The following NPY2R variants were observed in gnomAD, a reference collection of about 807,000 sequenced individuals.
The protein encoded by NPY2R is neuropeptide Y receptor Y2.
A neutral mutation model predicts 22.3 loss-of-function variants in NPY2R; 17 were observed. The observed-to-expected ratio is 0.76, with a 90% CI of 0.52 to 1.14. The LOEUF (loss-of-function observed/expected upper bound fraction) is 1.14. Ranked by LOEUF, NPY2R falls within the 50% of genes most tolerant of loss-of-function variation. NPY2R has a pLI of 0.00. For synonymous variants in NPY2R, 209 were observed against 183.4 expected (o/e 1.14, Z -1.13); for missense variants, 424 against 467.9 (o/e 0.91, Z 0.87).
At chr4:155,209,701 A>T (rs1213929656) in intron 1 of NPY2R, among the ~76,000 whole-genome samples, 1 of 150,590 alleles carries the variant, frequency 6.6e-6, no homozygotes, top group African/African-American at 2.4e-5. Flanking sequence ...CCCTGCCCCC[A>T]TTCCTAGAAC....
chr4:155,200,426 A>T, the NPY2R span, among the ~76,000 whole-genome samples: 1 of 152,308 alleles, frequency 6.6e-6, no homozygotes, highest in Admixed American at 6.5e-5. Flanking sequence ...TAGTTCAAAC[A>T]TTGTGGAAGA....
the NPY2R span, among the ~76,000 whole-genome samples, chr4:155,203,155 TCAAAA>T: frequency 7.2e-5 from 11 of 152,208 alleles, no homozygotes; most frequent in African/African-American, 1.9e-4. Flanking sequence ...AATTAAAAAC[TCAAAA>T]CAAAAATAAA....
the NPY2R span, among the ~76,000 whole-genome samples, chr4:155,190,448 A>T: frequency 6.6e-6 from 1 of 152,088 alleles, no homozygotes; most frequent in East Asian, 1.9e-4. Flanking sequence ...ACAGTTTCAA[A>T]ACCACCTTTC....
rs1729479446 is a variant in NPY2R, at chr4:155,214,765, G to T, written c.826G>T (p.Val276Leu). Reference protein sequence around the residue: ...TTKMLVCVVVVFAVSWLPLHA... With the variant: ...TTKMLVCVVVLFAVSWLPLHA... ...CAAAATGCTGGTGTGTGTGGTGGTG[G>T]TGTTTGCGGTCAGCTGGCTGCCTCT... The change falls in exon 2 of 2, where the codon GTG (valine) becomes TTG (leucine). Residue 276 changes from valine (V) to leucine (L), a missense_variant. Val to Leu is a conservative substitution (Grantham distance 32, BLOSUM62 1). Coordinates refer to ENST00000329476, the MANE Select transcript of NPY2R (RefSeq NM_000910.4). 3 of 1,613,988 alleles carry T rather than the reference G, an allele frequency of 1.9e-6. No homozygotes were observed. The highest frequency in any genetic ancestry group is 2.5e-6 in the Non-Finnish European group (3 of 1,179,932).
the NPY2R span, among the ~76,000 whole-genome samples, chr4:155,177,446 T>C: frequency 6.6e-6 from 1 of 152,146 alleles, no homozygotes; most frequent in African/African-American, 2.4e-5. Context: ...TTGACAATAA[T>C]CTTTGACTCC....
At chr4:155,199,324 C>T in the NPY2R span, among the ~76,000 whole-genome samples, 127 of 151,978 alleles carry the variant, frequency 8.4e-4, no homozygotes, top group African/African-American at 3.0e-3. Context: ...CATGAAAGAC[C>T]TCTGCAAGGA....
chr4:155,213,838 G>C, intron 1 of NPY2R, 54 bp from the exon 2 acceptor site: 1 of 985,490 alleles, frequency 1.0e-6, no homozygotes, highest in Non-Finnish European at 1.6e-6. Context: ...TGTTTTCCTC[G>C]TTCCATTGGT....
At chr4:155,179,313 C>T in the NPY2R span, among the ~76,000 whole-genome samples, 1 of 151,986 alleles carries the variant, frequency 6.6e-6, no homozygotes, top group Non-Finnish European at 1.5e-5. Context: ...TATTTTTGAC[C>T]GGATGCCAGA....
upstream of NPY2R, among the ~76,000 whole-genome samples, chr4:155,204,257 T>A (rs578118454): frequency 1.3e-5 from 2 of 152,154 alleles, no homozygotes; most frequent in African/African-American, 4.8e-5. Context: ...CAGGAAACCC[T>A]GGAATCCAAA....
chr4:155,181,744 G>C, the NPY2R span, among the ~76,000 whole-genome samples: 5 of 152,112 alleles, frequency 3.3e-5, no homozygotes, highest in African/African-American at 4.8e-5. Flanking sequence ...CCCTAGAATG[G>C]TGAGAAAGTT....
the NPY2R span, among the ~76,000 whole-genome samples, chr4:155,180,321 G>A: frequency 4.6e-5 from 7 of 152,218 alleles, no homozygotes; most frequent in African/African-American, 1.7e-4. Context: ...CTTTAGATGT[G>A]CAATTAGGAA....
the NPY2R span, among the ~76,000 whole-genome samples, chr4:155,200,420 T>A: frequency 2.0e-5 from 3 of 152,148 alleles, no homozygotes; most frequent in African/African-American, 7.2e-5. Context: ...GTAAATTAGT[T>A]CAAACATTGT....
intron 1 of NPY2R, among the ~76,000 whole-genome samples, chr4:155,212,561 G>T (rs201373149): frequency 6.6e-6 from 1 of 152,110 alleles, no homozygotes; most frequent in Non-Finnish European, 1.5e-5. Flanking sequence ...AAGTAAAGGC[G>T]CCAGGATGGT....
the NPY2R span, among the ~76,000 whole-genome samples, chr4:155,177,639 G>T: frequency 6.6e-6 from 1 of 152,056 alleles, no homozygotes; most frequent in Non-Finnish European, 1.5e-5. Flanking sequence ...CCCCAGTGGG[G>T]TGTCTTTGTG....
the NPY2R span, among the ~76,000 whole-genome samples, chr4:155,175,625 T>A: frequency 2.6e-5 from 4 of 152,162 alleles, no homozygotes; most frequent in Non-Finnish European, 5.9e-5. Flanking sequence ...TTTTTATGTA[T>A]AATTTTTGTT....
Position 155,215,079 on chromosome 4 carries a change from T to A in NPY2R, c.1140T>A (p.Asn380Lys). 3 of 1,612,550 alleles carry A rather than the reference T, an allele frequency of 1.9e-6. No homozygotes were observed. Among genetic ancestry groups the A allele is most frequent in the Non-Finnish European group, 2.5e-6 (3 of 1,179,836 alleles). The change falls in exon 2 of 2, where the codon AAT (asparagine) becomes AAA (lysine). Residue 380 changes from asparagine to lysine, a missense_variant. Transcript: ENST00000329476. ...GPNDSFTEAT[N>K]V ...ATGACTCTTTCACAGAGGCTACCAATGTCTAAGGAAGCTGTGGTGTGAAAA... is the reference window on the plus strand; with the variant it reads ...ATGACTCTTTCACAGAGGCTACCAAAGTCTAAGGAAGCTGTGGTGTGAAAA...
the NPY2R span, among the ~76,000 whole-genome samples, chr4:155,203,553 G>A: frequency 0.29 from 44,465 of 151,748 alleles, 6,855 homozygotes; most frequent in East Asian, 0.51. Flanking sequence ...AATTATATCT[G>A]TTCAGGTATT....
the NPY2R span, among the ~76,000 whole-genome samples, chr4:155,203,087 A>T: frequency 6.6e-6 from 1 of 152,252 alleles, no homozygotes; most frequent in South Asian, 2.1e-4. Flanking sequence ...AAAAGTAAAA[A>T]TCTCAGCAAC....
chr4:155,209,201 G>A (rs1157722576), intron 1 of NPY2R, 132 bp downstream of exon 1: 1 of 152,222 alleles, frequency 6.6e-6, no homozygotes, highest in African/African-American at 2.4e-5. Flanking sequence ...CTTTAGGCGG[G>A]AGGTGGCGAT....
Sources: allele counts gnomAD v4.1 joint callset (sites outside exome capture counted in the v4.1 genomes callset), GRCh38; gene constraint gnomAD v4.1.1; transcripts MANE v1.5; gene names NCBI Gene and HGNC (gene_info 2026-07-23, HGNC 2026-07-21).